The following CEP164 variants were observed in gnomAD, a reference collection of about 807,000 sequenced individuals.
CEP164 encodes centrosomal protein 164, also known as centrosomal protein of 164 kDa.
In CEP164, 162 loss-of-function variants were observed where a neutral mutation model predicts 182.7. The ratio of observed to expected loss-of-function variants is 0.89; its 90% confidence interval spans 0.78 to 1.01. CEP164 has a LOEUF of 1.01. Among genes scored for constraint, CEP164 ranks in the 50% least tolerant of loss-of-function variants. The pLI is 0.00. For synonymous variants in CEP164, 661 were observed against 690.0 expected (o/e 0.96, Z 0.66); for missense variants, 1,735 against 1,790.4 (o/e 0.97, Z 0.56).
In CEP164 at chr11:117,396,050, A is replaced by G; in HGVS notation, c.3090-4A>G. On this transcript the variant is annotated splice_polypyrimidine_tract_variant and splice_region_variant and intron_variant, in intron 24 of 32. Coordinates refer to ENST00000278935, the MANE Select transcript of CEP164 (RefSeq NM_014956.5). The stretch of plus-strand genomic sequence containing the variant: ...CTGCCTCTCACTCATCTTTCCTTCC[A>G]CAGCAGCCTGGAGGCTGAAGCTCAA... The G allele has an allele frequency of 6.2e-7, 1 of 1,614,008 alleles. No homozygotes were observed. The highest frequency in any genetic ancestry group is 8.5e-7 in the Non-Finnish European group (1 of 1,179,966).
intron 4 of CEP164, 62 bp from the exon 5 acceptor site, chr11:117,351,728 C>CTTTTTTTTTTTTTTTTTTTTT: frequency 7.5e-7 from 1 of 1,332,824 alleles, no homozygotes; most frequent in South Asian, 1.4e-5. Context: ...TTTTTCCCCT[C>CTTTTTTTTTTTTTTTTTTTTT]TTTTTTTTTT....
chr11:117,351,675 C>T, intron 4 of CEP164, 115 bp from the exon 5 acceptor site: 1 of 911,626 alleles, frequency 1.1e-6, no homozygotes, highest in Non-Finnish European at 1.7e-6. Context: ...CCCTTTTCCA[C>T]CCCACTCTCT....
intron 26 of CEP164, 51 bp from the exon 27 acceptor site, chr11:117,397,040 A>T: frequency 2.6e-6 from 4 of 1,530,434 alleles, no homozygotes; most frequent in Non-Finnish European, 3.6e-6. Flanking sequence ...TGTGACCCAG[A>T]GCAGAGTTCT....
chr11:117,333,422 C>G (rs1005677924), intron 1 of CEP164, among the ~76,000 whole-genome samples: 7 of 152,214 alleles, frequency 4.6e-5, no homozygotes, highest in Non-Finnish European at 8.8e-5. Flanking sequence ...TCTGCATCAG[C>G]CCTGATTTTC....
chr11:117,334,566 A>C lies in CEP164; in HGVS notation c.-97-1039A>C, dbSNP rs1298974638. 2.0e-5 allele frequency among the ~76,000 whole-genome samples: 3 copies of C among 152,288 alleles called. No individual in the cohort carries two copies. In the East Asian group the frequency reaches 5.8e-4, roughly 29 times the overall value. On this transcript the variant is annotated intron_variant, in intron 1 of 32. Transcript: ENST00000278935. ...TTTGGGAGGCCAGGGCCGGTGGATC[A>C]CCTGAGATCAGGAGTTTGAGACCAG...
intron 5 of CEP164, among the ~76,000 whole-genome samples, chr11:117,352,996 C>T (rs1307323401): frequency 1.3e-5 from 2 of 152,076 alleles, no homozygotes; most frequent in Admixed American, 1.3e-4. Context: ...GGAGTTATTG[C>T]CCACATGATT....
rs1232159949 is a variant in CEP164, at chr11:117,356,586, C to T, written c.393+4598C>T. On this transcript the variant is annotated intron_variant, in intron 5 of 32. Coordinates refer to ENST00000278935, the MANE Select transcript of CEP164 (RefSeq NM_014956.5). Reference sequence around the variant, plus strand: ...CAGAGCTCCAGCAGAGGGCTTACTACAGAGCCAGGCAAGATGCAGCATCTC... The same window carrying T: ...CAGAGCTCCAGCAGAGGGCTTACTATAGAGCCAGGCAAGATGCAGCATCTC... The T allele has an allele frequency of 3.1e-6, 4 of 1,287,706 alleles. No homozygotes were observed. In the East Asian group the frequency reaches 1.7e-4, roughly 54 times the overall value. 79.8% of individuals were successfully genotyped at this position (1,287,706 alleles called of 1,614,324 possible). A position where few individuals can be genotyped will look rare whatever the true frequency, so the allele number is the denominator to read the frequency against.
Position 117,359,061 on chromosome 11 carries a change from T to A in CEP164, c.394-2774T>A, listed in dbSNP as rs199582918. On this transcript the variant is annotated intron_variant, in intron 5 of 32. Transcript: ENST00000278935. The stretch of plus-strand genomic sequence containing the variant: ...CCAGGTTCAAGTGATTCTCCTGCCT[T>A]AGCCTCCTCAGTAGCTGGGATTACA... Among the ~76,000 whole-genome samples, 7 of 152,142 alleles carry A rather than the reference T, an allele frequency of 4.6e-5. No individual in the cohort carries two copies. In the East Asian group the frequency reaches 1.2e-3, roughly 25 times the overall value.
Position 117,411,878 on chromosome 11 carries a change from A to C in CEP164, c.4247A>C (p.Asn1416Thr). ...STTFQGIIEA[N>T]RRWLERVKND... ...ACCTTTCAGGGCATAATTGAGGCCA[A>C]CCGGAGGTGGCTGGAACGTGTCAAG... The change falls in exon 32 of 33, where the codon AAC (asparagine) becomes ACC (threonine). Residue 1416 changes from asparagine (N) to threonine (T), a missense_variant. Transcript: ENST00000278935. The surrounding 1 kb of genome is among the most constrained non-coding windows in gnomAD (Gnocchi z 4.4). 6.2e-7 allele frequency: 1 copy of C among 1,614,158 alleles called. No homozygotes were observed. Among genetic ancestry groups the C allele is most frequent in the Non-Finnish European group, 8.5e-7 (1 of 1,180,018 alleles).
chr11:117,397,359 G>A (rs765402843), intron 27 of CEP164, 46 bp downstream of exon 27: 28 of 1,554,136 alleles, frequency 1.8e-5, no homozygotes, highest in South Asian at 3.5e-5. Context: ...TGGGGGAGGC[G>A]GGGGGAGTCA....
chr11:117,395,268 G>T (rs1035366377), intron 23 of CEP164, 77 bp downstream of exon 23: 2 of 1,536,418 alleles, frequency 1.3e-6, no homozygotes, highest in Non-Finnish European at 1.8e-6. Context: ...CCCACATTTT[G>T]TTCATCTGAT....
At chr11:117,368,269 C>T (rs2041858750) in intron 8 of CEP164, among the ~76,000 whole-genome samples, 3 of 151,950 alleles carry the variant, frequency 2.0e-5, no homozygotes, top group Admixed American at 1.3e-4. Flanking sequence ...GGGAGTGTGT[C>T]GGGGTAGTAT....
Position 117,394,592 on chromosome 11 carries a change from C to T in CEP164, c.2760+99C>T. The stretch of plus-strand genomic sequence containing the variant: ...ATGGCCCCAGCAGGATGCAGCCTGA[C>T]AGCTTCTGGAGTGAGAGTCTCTCAC... On this transcript the variant is annotated intron_variant, in intron 21 of 32. Transcript: ENST00000278935. This position sits in a 1 kb window ranked among gnomAD's most constrained non-coding sequence, Gnocchi z 4.0. 3.4e-6 allele frequency: 5 copies of T among 1,465,542 alleles called. No individual in the cohort carries two copies. Among genetic ancestry groups the T allele is most frequent in the Non-Finnish European group, 4.6e-6 (5 of 1,087,270 alleles). 90.8% of individuals were successfully genotyped at this position (1,465,542 alleles called of 1,614,324 possible). A position where few individuals can be genotyped will look rare whatever the true frequency, so the allele number is the denominator to read the frequency against.
At chr11:117,340,620 G>A (rs2037965858) in intron 3 of CEP164, among the ~76,000 whole-genome samples, 1 of 152,080 alleles carries the variant, frequency 6.6e-6, no homozygotes, top group Admixed American at 6.6e-5. Flanking sequence ...CTGCAGCCTT[G>A]AACTCGTGGG....
intron 4 of CEP164, among the ~76,000 whole-genome samples, chr11:117,344,754 G>A (rs930645392): frequency 2.0e-5 from 3 of 152,120 alleles, no homozygotes; most frequent in Admixed American, 6.5e-5. Flanking sequence ...TGGTGAAACC[G>A]CGTCTCTACT....
rs748501697 is a variant in CEP164 at position 117,396,098 on chromosome 11, AAGTGAC to A, written c.3138_3143del (p.Thr1047_Val1048del). On this transcript the variant is annotated inframe_deletion, in exon 25 of 33. Coordinates refer to ENST00000278935, the MANE Select transcript of CEP164 (RefSeq NM_014956.5). ...CAAAAGAAGCAGCACCTGTTGAGAG[AAGTGAC>A]AGTTGAGGAAAATAATGCTTCCCCA... The A allele has an allele frequency of 3.1e-6, 5 of 1,614,014 alleles. No individual in the cohort carries two copies. Among genetic ancestry groups the A allele is most frequent in the Non-Finnish European group, 4.2e-6 (5 of 1,179,958 alleles).
chr11:117,323,180 T>C (rs992796379), upstream of CEP164, among the ~76,000 whole-genome samples: 3 of 152,058 alleles, frequency 2.0e-5, no homozygotes, highest in African/African-American at 7.2e-5. Flanking sequence ...GGATTACAGG[T>C]ATGAGCCACC....
At chr11:117,353,270 C>A (rs1024411918) in intron 5 of CEP164, among the ~76,000 whole-genome samples, 1 of 152,244 alleles carries the variant, frequency 6.6e-6, no homozygotes, top group East Asian at 1.9e-4. Context: ...TCCACAGACA[C>A]TTCTTTTTTC....
intron 25 of CEP164, 102 bp downstream of exon 25, chr11:117,396,282 C>T: frequency 7.5e-7 from 1 of 1,339,136 alleles, no homozygotes; most frequent in South Asian, 1.3e-5. Flanking sequence ...GACAGCTCAT[C>T]AGGAGGGGTG....
Sources: gnomAD v4.1 joint callset for allele counts (sites outside exome capture counted in the v4.1 genomes callset) on GRCh38, gnomAD v4.1.1 for gene constraint, Gnocchi (gnomAD v3.1) non-coding constraint, MANE v1.5 for transcripts, NCBI Gene and HGNC (gene_info 2026-07-23, HGNC 2026-07-21) for gene names.